The following STRN variants were observed in gnomAD, a reference collection of about 807,000 sequenced individuals.
The protein encoded by STRN is protein phosphatase 2 regulatory subunit B'''alpha.
STRN carries 53 observed loss-of-function variants against 96.3 expected under a neutral mutation model. The ratio of observed to expected loss-of-function variants is 0.55; its 90% CI spans 0.44 to 0.69. STRN has a LOEUF of 0.69. Among genes scored for constraint, STRN ranks in the 30% least tolerant of loss-of-function variants. The pLI is 0.00. For synonymous variants in STRN, 428 were observed against 355.9 expected (o/e 1.20, Z -2.28); for missense variants, 987 against 963.9 (o/e 1.02, Z -0.32).
chr2:36,875,607 TA>T (rs1668884095), intron 10 of STRN, among the ~76,000 whole-genome samples: 5 of 148,552 alleles, frequency 3.4e-5, no homozygotes, highest in Admixed American at 1.3e-4. Context: ...AACAGTGTTT[TA>T]AAAAGACAAA....
intron 3 of STRN, among the ~76,000 whole-genome samples, chr2:36,912,462 G>C (rs1160337159): frequency 6.6e-6 from 1 of 152,180 alleles, no homozygotes; most frequent in African/African-American, 2.4e-5. Context: ...TTAACCAGTA[G>C]TGGTGAACAG....
chr2:36,922,115 T>C (rs867223521), intron 2 of STRN, among the ~76,000 whole-genome samples: 71 of 152,264 alleles, frequency 4.7e-4, no homozygotes, highest in African/African-American at 1.6e-3. Flanking sequence ...ATGGTACCTA[T>C]AGAGAGAGCA....
At chr2:36,884,286 T>C (rs1392161206) in intron 8 of STRN, among the ~76,000 whole-genome samples, 2 of 152,150 alleles carry the variant, frequency 1.3e-5, no homozygotes, top group African/African-American at 2.4e-5. Flanking sequence ...ATTAAGCAAA[T>C]GGGATATCAC....
intron 3 of STRN, 38 bp downstream of exon 3, chr2:36,916,040 T>G: frequency 6.4e-7 from 1 of 1,553,890 alleles, no homozygotes; most frequent in Non-Finnish European, 8.9e-7. Context: ...GACATTAACT[T>G]CTTTTTAACA....
intron 1 of STRN, among the ~76,000 whole-genome samples, chr2:36,932,020 T>A (rs1670587785): frequency 6.6e-6 from 1 of 152,122 alleles, no homozygotes; most frequent in African/African-American, 2.4e-5. Context: ...AGGGTCTTGC[T>A]ATGTTGCCAG....
intron 1 of STRN, among the ~76,000 whole-genome samples, chr2:36,961,870 C>G (rs929902363): frequency 4.6e-5 from 7 of 152,184 alleles, no homozygotes; most frequent in African/African-American, 1.7e-4. Context: ...ACTTTTCCCT[C>G]CTTGATATTC....
chr2:36,929,627 C>G (rs1670518788), intron 1 of STRN, among the ~76,000 whole-genome samples: 1 of 152,214 alleles, frequency 6.6e-6, no homozygotes, highest in Non-Finnish European at 1.5e-5. Flanking sequence ...TCGTGATCCA[C>G]CCACCTCAGC....
At chr2:36,915,083 G>A (rs1348061489) in intron 3 of STRN, among the ~76,000 whole-genome samples, 6 of 150,650 alleles carry the variant, frequency 4.0e-5, no homozygotes, top group Admixed American at 2.0e-4. Context: ...AGTAATCCCA[G>A]CTACTCGGGA....
At chr2:36,873,594 T>C (rs1572637659) in intron 10 of STRN, among the ~76,000 whole-genome samples, 3 of 151,974 alleles carry the variant, frequency 2.0e-5, no homozygotes, top group East Asian at 3.9e-4. Flanking sequence ...GTTGATTGTG[T>C]TCAAGGAGAT....
In STRN at chr2:36,916,780, C is replaced by A. The variant is rs142893918; in HGVS notation, c.339-629G>T. Among the ~76,000 whole-genome samples the A allele has an allele frequency of 2.8e-3, 419 of 152,188 alleles. 1 individual carries two copies. The highest frequency in any genetic ancestry group is 9.7e-3 in the African/African-American group (403 of 41,548). On this transcript the variant is annotated intron_variant, in intron 2 of 17. Coordinates refer to ENST00000263918, the MANE Select transcript of STRN (RefSeq NM_003162.4). The stretch of plus-strand genomic sequence containing the variant: ...ACTGTGAATGGGAATACTGTTTTAT[C>A]TTCTTTTCAAAGTTGACAGAATGTT...
chr2:36,955,695 C>T (rs1006719474), intron 1 of STRN, among the ~76,000 whole-genome samples: 1 of 152,190 alleles, frequency 6.6e-6, no homozygotes. Flanking sequence ...TCACCACTTA[C>T]TTCTGCCATC....
chr2:36,916,235 T>C (rs988108127), intron 2 of STRN, 84 bp from the exon 3 acceptor site: 14 of 1,164,156 alleles, frequency 1.2e-5, no homozygotes, highest in South Asian at 3.9e-5. Flanking sequence ...AAGAATTCAG[T>C]AGTCCTGGCT....
intron 10 of STRN, among the ~76,000 whole-genome samples, chr2:36,874,022 G>A (rs548972966): frequency 1.3e-5 from 2 of 151,476 alleles, no homozygotes; most frequent in African/African-American, 4.8e-5. Context: ...CTGGGAGGCT[G>A]AGGCGGGTGG....
chr2:36,957,917 ATTTTTTT>A (rs1188068591), intron 1 of STRN, among the ~76,000 whole-genome samples: 4 of 90,414 alleles, frequency 4.4e-5, no homozygotes, highest in Non-Finnish European at 9.0e-5. Flanking sequence ...CGCCCAGCTA[ATTTTTTT>A]TTTTTTTTTT....
intron 1 of STRN, among the ~76,000 whole-genome samples, chr2:36,944,022 G>T (rs1295499235): frequency 6.6e-6 from 1 of 150,960 alleles, no homozygotes; most frequent in Non-Finnish European, 1.5e-5. Context: ...TGGGAGGCTG[G>T]GGCAGGAGAA....
chr2:36,951,842 C>T (rs1461038437), intron 1 of STRN, among the ~76,000 whole-genome samples: 1 of 152,188 alleles, frequency 6.6e-6, no homozygotes, highest in Non-Finnish European at 1.5e-5. Flanking sequence ...CTGTTAGGAA[C>T]TGGGTGGCAT....
intron 2 of STRN, among the ~76,000 whole-genome samples, chr2:36,921,353 C>T (rs999655134): frequency 2.0e-5 from 3 of 152,094 alleles, no homozygotes; most frequent in Non-Finnish European, 4.4e-5. Context: ...TTTGTTGGCT[C>T]TTCTTCCTCT....
At chr2:36,961,881 C>T (rs2148282530) in intron 1 of STRN, among the ~76,000 whole-genome samples, 2 of 152,228 alleles carry the variant, frequency 1.3e-5, no homozygotes, top group Middle Eastern at 3.4e-3. Context: ...CTTGATATTC[C>T]TTAAATATTC....
Position 36,917,079 on chromosome 2 carries a change from AG to A in STRN, c.339-929del, listed in dbSNP as rs1670122560. Among the ~76,000 whole-genome samples, 3 of 149,278 alleles carry A rather than the reference AG, an allele frequency of 2.0e-5. No individual in the cohort carries two copies. In the South Asian group the frequency reaches 6.2e-4, roughly 31 times the overall value. ...AAAAATAAAAATAAATAAAAAAAAA[AG>A]ACTGGGACATTAATATAAACAACAA... On this transcript the variant is annotated intron_variant, in intron 2 of 17. Coordinates refer to ENST00000263918, the MANE Select transcript of STRN (RefSeq NM_003162.4).
Sources: allele counts gnomAD v4.1 joint callset (sites outside exome capture counted in the v4.1 genomes callset), GRCh38; gene constraint gnomAD v4.1.1; transcripts MANE v1.5; gene names NCBI Gene and HGNC (gene_info 2026-07-23, HGNC 2026-07-21).